The following CTNNBL1 variants were observed in gnomAD, a reference collection of about 807,000 sequenced individuals.
CTNNBL1 encodes beta-catenin-like protein 1.
Under a neutral mutation model 72.7 loss-of-function variants are expected in CTNNBL1, and 31 were observed. That is an observed-to-expected ratio of 0.43 (90% CI 0.32 to 0.58). The LOEUF (loss-of-function observed/expected upper bound fraction) is 0.58, where lower values mean the gene tolerates loss of function less well. Ranked by LOEUF, CTNNBL1 falls within the 20% of genes least tolerant of loss-of-function variation. CTNNBL1 has a pLI of 0.08. For missense variants in CTNNBL1, 534 were observed against 725.1 expected (o/e 0.74, Z 3.03); for synonymous variants, 240 against 267.3 (o/e 0.90, Z 1.00).
chr20:37,726,445 G>A (rs2073085270), intron 1 of CTNNBL1, among the ~76,000 whole-genome samples: 1 of 152,146 alleles, frequency 6.6e-6, no homozygotes, highest in Admixed American at 6.6e-5. Flanking sequence ...GAAGCCTTGT[G>A]GTCTTGCTCA....
intron 3 of CTNNBL1, among the ~76,000 whole-genome samples, chr20:37,745,682 ACT>A (rs2073255758): frequency 6.6e-6 from 1 of 151,962 alleles, no homozygotes; most frequent in African/African-American, 2.4e-5. Flanking sequence ...CCTCTCAGTC[ACT>A]CTCAGTCAGG....
intron 1 of CTNNBL1, among the ~76,000 whole-genome samples, chr20:37,707,848 C>G (rs1231848387): frequency 1.3e-5 from 2 of 152,136 alleles, no homozygotes; most frequent in Admixed American, 6.5e-5. Context: ...CTTTCTTTCA[C>G]TTGAACACTT....
Position 37,824,215 on chromosome 20 carries a change from C to T in CTNNBL1, c.1214-15887C>T, listed in dbSNP as rs144671068. 1.5e-3 allele frequency among the ~76,000 whole-genome samples: 235 copies of T among 152,350 alleles called. 1 individual carries two copies. In the Middle Eastern group the frequency reaches 0.017, roughly 11 times the overall value. ...AGCCTCATAGCACTTCTTCAGCATA[C>T]TGCCATTACAAGGATGTGAGTTAAT... On this transcript the variant is annotated intron_variant, in intron 11 of 15. Transcript: ENST00000361383.
At chr20:37,835,119 A>G (rs2072242595) in intron 11 of CTNNBL1, among the ~76,000 whole-genome samples, 1 of 152,244 alleles carries the variant, frequency 6.6e-6, no homozygotes, top group African/African-American at 2.4e-5. Flanking sequence ...AAAGCAGTAC[A>G]AGTGGCCAGT....
chr20:37,755,449 G>C lies in CTNNBL1; in HGVS notation c.467-2110G>C, dbSNP rs576125540. 5.3e-5 allele frequency among the ~76,000 whole-genome samples: 8 copies of C among 152,320 alleles called. No homozygotes were observed. The South Asian group carries it at 1.7e-3, about 32-fold the overall frequency. ...ACAGCTTTCTGATTATTTTTTAGAT[G>C]AAGATGCTAAGCATGAAGGACTTTT... On this transcript the variant is annotated intron_variant, in intron 4 of 15. Transcript: ENST00000361383.
chr20:37,829,553 A>G (rs545500954), intron 11 of CTNNBL1, among the ~76,000 whole-genome samples: 1 of 151,826 alleles, frequency 6.6e-6, no homozygotes, highest in Admixed American at 6.5e-5. Context: ...CATCTTTCCA[A>G]CCTCATTACT....
intron 11 of CTNNBL1, among the ~76,000 whole-genome samples, chr20:37,830,672 G>C (rs918159755): frequency 2.0e-5 from 3 of 152,178 alleles, no homozygotes; most frequent in Non-Finnish European, 4.4e-5. Context: ...AACCCATCAT[G>C]AGTTGAAAAT....
chr20:37,787,633 C>G (rs144436030), intron 10 of CTNNBL1, among the ~76,000 whole-genome samples: 3 of 152,152 alleles, frequency 2.0e-5, no homozygotes, highest in African/African-American at 4.8e-5. Flanking sequence ...CGTGAGCCAC[C>G]GCGCCCGGCC....
intron 1 of CTNNBL1, among the ~76,000 whole-genome samples, chr20:37,707,902 G>A (rs2072902025): frequency 6.6e-6 from 1 of 150,870 alleles, no homozygotes; most frequent in African/African-American, 2.4e-5. Context: ...CAGTATTGTT[G>A]TGTCTCAGAG....
At chr20:37,865,556 G>A (rs146470672) in intron 15 of CTNNBL1, among the ~76,000 whole-genome samples, 44 of 152,176 alleles carry the variant, frequency 2.9e-4, no homozygotes, top group African/African-American at 1.0e-3. Context: ...CTGTCTCTGT[G>A]GCTGCCTGCA....
chr20:37,779,747 A>G (rs1055853674), intron 10 of CTNNBL1, among the ~76,000 whole-genome samples: 1 of 152,304 alleles, frequency 6.6e-6, no homozygotes, highest in East Asian at 1.9e-4. Flanking sequence ...CGTATCATTC[A>G]TATTTTTCAC....
chr20:37,768,235 C>T lies in CTNNBL1; in HGVS notation c.750+191C>T, dbSNP rs186378083. On this transcript the variant is annotated intron_variant, in intron 7 of 15. Coordinates refer to ENST00000361383, the MANE Select transcript of CTNNBL1 (RefSeq NM_030877.5). ...GAGGCTTTAAAAATAGTCTTTAGTA[C>T]CTCTGAAAATACAAACGTTATAAAT... Among the ~76,000 whole-genome samples, 6 of 152,234 alleles carry T rather than the reference C, an allele frequency of 3.9e-5. No homozygotes were observed. The East Asian group carries it at 1.2e-3, about 29-fold the overall frequency.
intron 5 of CTNNBL1, among the ~76,000 whole-genome samples, chr20:37,759,727 A>G (rs761233429): frequency 5.9e-5 from 9 of 152,216 alleles, no homozygotes; most frequent in Non-Finnish European, 1.2e-4. Context: ...GGACTCCAGT[A>G]GATTATTTGC....
chr20:37,828,375 T>G (rs2072178839), intron 11 of CTNNBL1, among the ~76,000 whole-genome samples: 1 of 152,136 alleles, frequency 6.6e-6, no homozygotes, highest in Non-Finnish European at 1.5e-5. Flanking sequence ...GCATTACTAG[T>G]GAGGTTGAAT....
intron 1 of CTNNBL1, among the ~76,000 whole-genome samples, chr20:37,707,632 A>G (rs893837015): frequency 1.7e-4 from 26 of 152,206 alleles, no homozygotes; most frequent in African/African-American, 5.8e-4. Flanking sequence ...TCTCCATATA[A>G]GCAGTAAGGC....
chr20:37,731,881 C>A (rs1263205283), intron 1 of CTNNBL1, among the ~76,000 whole-genome samples: 1 of 152,114 alleles, frequency 6.6e-6, no homozygotes, highest in Admixed American at 6.5e-5. Flanking sequence ...ATGAACAGGG[C>A]AGATATCTTC....
At chr20:37,804,275 G>T (rs1433910539) in intron 11 of CTNNBL1, among the ~76,000 whole-genome samples, 2 of 152,162 alleles carry the variant, frequency 1.3e-5, no homozygotes, top group Non-Finnish European at 2.9e-5. Context: ...GAATGGAGGG[G>T]GTCCTGGAGG....
intron 11 of CTNNBL1, among the ~76,000 whole-genome samples, chr20:37,825,397 G>A (rs915943859): frequency 7.9e-5 from 12 of 152,162 alleles, no homozygotes; most frequent in East Asian, 1.9e-4. Context: ...AACTGAGGCC[G>A]GGCGTGACGG....
intron 1 of CTNNBL1, among the ~76,000 whole-genome samples, chr20:37,720,754 ATCTG>A (rs1439390409): frequency 1.1e-4 from 17 of 152,202 alleles, no homozygotes; most frequent in African/African-American, 3.9e-4. Flanking sequence ...AGAGCCAAAA[ATCTG>A]TCTTTCATTG....
Sources: gnomAD v4.1 joint callset for allele counts (sites outside exome capture counted in the v4.1 genomes callset) on GRCh38, gnomAD v4.1.1 for gene constraint, MANE v1.5 for transcripts, NCBI Gene and HGNC (gene_info 2026-07-23, HGNC 2026-07-21) for gene names.